RPS6KL1: variants seen among roughly 807,000 people sequenced by gnomAD.
The protein encoded by RPS6KL1 is ribosomal protein S6 kinase like 1.
Under a neutral mutation model 57.0 loss-of-function variants are expected in RPS6KL1, and 41 were observed. The ratio of observed to expected loss-of-function variants is 0.72; its 90% confidence interval spans 0.56 to 0.93. The LOEUF is 0.93. Among genes scored for constraint, RPS6KL1 ranks in the 40% least tolerant of loss-of-function variants. The pLI, the probability that RPS6KL1 is intolerant of heterozygous loss-of-function variation, is 0.00. For synonymous variants in RPS6KL1, 287 were observed against 309.7 expected (o/e 0.93, Z 0.77); for missense variants, 697 against 727.7 (o/e 0.96, Z 0.49).
chr14:74,918,548 G>T lies in RPS6KL1; in HGVS notation c.448C>A (p.Leu150Met), dbSNP rs772688328. The T allele has an allele frequency of 2.7e-5, 42 of 1,534,358 alleles. No homozygotes were observed. Among genetic ancestry groups the T allele is most frequent in the Non-Finnish European group, 3.6e-5 (41 of 1,146,170 alleles). Residue 150 changes from leucine to methionine, a missense_variant, in exon 5 of 12, where the codon CTG becomes ATG. Physicochemically the swap from Leu to Met is conservative, Grantham distance 15. Coordinates refer to ENST00000557413, the MANE Select transcript of RPS6KL1 (RefSeq NM_031464.5). ...IRTLSSAVEQ[L>M]RGCRVVGVIE... Reference sequence around the variant, plus strand: ...ACCCCGACCACCCTGCAGCCCCTCAGCTGCTCCACGGCAGAGCTCAGCGTG... The same window carrying T: ...ACCCCGACCACCCTGCAGCCCCTCATCTGCTCCACGGCAGAGCTCAGCGTG...
Position 74,907,519 on chromosome 14 carries a change from C to G in RPS6KL1, c.1455G>C (p.Gln485His). ...GGGCCTGGATTCCTGAAGGGTGGCT[C>G]TGGGACAGTGCCTGGGAGGACACAG... ...YELLTGMALS[Q>H]SHPSGIQAHT... Residue 485 changes from glutamine to histidine, a missense_variant, in exon 11 of 12, where the codon CAG (glutamine) becomes CAC (histidine). Coordinates refer to ENST00000557413, the MANE Select transcript of RPS6KL1 (RefSeq NM_031464.5). 6.3e-7 allele frequency: 1 copy of G among 1,577,560 alleles called. No homozygotes were observed. Among genetic ancestry groups the G allele is most frequent in the Non-Finnish European group, 8.6e-7 (1 of 1,161,538 alleles).
In RPS6KL1 at chr14:74,909,944, G is replaced by A. The variant is rs1011914682; in HGVS notation, c.869C>T (p.Ala290Val). 6 of 1,614,042 alleles carry A rather than the reference G, an allele frequency of 3.7e-6. No homozygotes were observed. The highest frequency in any genetic ancestry group is 5.1e-6 in the Non-Finnish European group (6 of 1,180,026). ...PPRTSPNLLLAGEAPSTRPQR... is the reference protein window; with the variant it reads ...PPRTSPNLLLVGEAPSTRPQR... Reference sequence around the variant, plus strand: ...GGGTCTGGTGGATGGGGCCTCCCCAGCTAGGAGAAGGTTCGGAGAAGTCCT... The same window carrying A: ...GGGTCTGGTGGATGGGGCCTCCCCAACTAGGAGAAGGTTCGGAGAAGTCCT... The change falls in exon 8 of 12, where the codon GCT becomes GTT. Residue 290 changes from alanine to valine, a missense_variant. Coordinates refer to ENST00000557413, the MANE Select transcript of RPS6KL1 (RefSeq NM_031464.5).
intron 5 of RPS6KL1, among the ~76,000 whole-genome samples, chr14:74,914,280 A>G (rs1187381499): frequency 1.3e-5 from 2 of 152,246 alleles, no homozygotes; most frequent in Non-Finnish European, 2.9e-5. Context: ...CTCTGGAGTC[A>G]TTTAGGAGAA....
intron 2 of RPS6KL1, chr14:74,921,773 TTTTC>T (rs1887887973): frequency 4.8e-6 from 6 of 1,258,890 alleles, no homozygotes; most frequent in Admixed American, 5.0e-5. Flanking sequence ...TTCTGTTTTC[TTTTC>T]TTTTTTTTTT....
intron 2 of RPS6KL1, 198 bp from the exon 3 acceptor site, chr14:74,921,759 A>G (rs1887882528): frequency 7.7e-7 from 1 of 1,304,524 alleles, no homozygotes; most frequent in African/African-American, 1.5e-5. Context: ...TAACCAGCTC[A>G]GGATTCTGTT....
At chr14:74,907,870 T>G (rs1885188487) in intron 10 of RPS6KL1, among the ~76,000 whole-genome samples, 1 of 152,090 alleles carries the variant, frequency 6.6e-6, no homozygotes, top group Admixed American at 6.5e-5. Context: ...ATTTTAAAAA[T>G]CCACACGGGC....
rs1416859405 is a variant in RPS6KL1 at position 74,911,263 on chromosome 14, G to A, written c.649C>T (p.Leu217=). 4 of 1,612,416 alleles carry A rather than the reference G, an allele frequency of 2.5e-6. No homozygotes were observed. In the South Asian group the frequency reaches 4.4e-5, roughly 18 times the overall value. The change falls in exon 7 of 12, where the codon CTG becomes TTG. Residue 217 remains leucine, a synonymous_variant. Coordinates refer to ENST00000557413, the MANE Select transcript of RPS6KL1 (RefSeq NM_031464.5). ...GCCTGCTCACCTTGCACATGCTCCA[G>A]GTGCAGGAAGATGGAGTCCTCGCTC... The part of the protein sequence containing the change: ...FVSEDSIFLH[L]EHVQGGTLWS...
intron 8 of RPS6KL1, 66 bp downstream of exon 8, chr14:74,909,477 G>T: frequency 6.6e-7 from 1 of 1,519,068 alleles, no homozygotes; most frequent in Non-Finnish European, 8.8e-7. Context: ...TCGACTTTGG[G>T]GATCTCTCGT....
rs1404262519 is a variant in RPS6KL1, at chr14:74,907,512, G to A, written c.1462C>T (p.Pro488Ser). 1.3e-6 allele frequency: 2 copies of A among 1,579,184 alleles called. No homozygotes were observed. Among genetic ancestry groups the A allele is most frequent in the Non-Finnish European group, 1.7e-6 (2 of 1,162,360 alleles). Residue 488 changes from proline (P) to serine (S), a missense_variant, in exon 11 of 12, where the codon CCT becomes TCT. Transcript: ENST00000557413. ...LTGMALSQSH[P>S]SGIQAHTQLQ... ...TGGGTGTGGGCCTGGATTCCTGAAG[G>A]GTGGCTCTGGGACAGTGCCTGGGAG...
chr14:74,906,421 G>T lies in RPS6KL1; in HGVS notation c.*593C>A, dbSNP rs1884859974. ...CAGGAATCGGGGGTGGGGGGGTGGG[G>T]GTGGGGGTCATCCTGTCCCCTACCT... On this transcript the variant is annotated 3_prime_UTR_variant, in exon 12 of 12. Coordinates refer to ENST00000557413, the MANE Select transcript of RPS6KL1 (RefSeq NM_031464.5). The T allele has an allele frequency of 2.8e-6, 1 of 357,956 alleles. No individual in the cohort carries two copies. Among genetic ancestry groups the T allele is most frequent in the Non-Finnish European group, 5.7e-6 (1 of 174,442 alleles). The allele number at this position is 357,956 out of a possible 1,614,324, so 22.2% of individuals were successfully genotyped here.
Position 74,909,941 on chromosome 14 carries a change from C to T in RPS6KL1, c.872G>A (p.Gly291Glu), listed in dbSNP as rs1320684657. 2 of 1,613,978 alleles carry T rather than the reference C, an allele frequency of 1.2e-6. No individual in the cohort carries two copies. The highest frequency in any genetic ancestry group is 2.7e-5 in the African/African-American group (2 of 74,922). Residue 291 changes from glycine (G) to glutamate (E), a missense_variant, in exon 8 of 12, where the codon GGG (glycine) becomes GAG (glutamate). Gly to Glu is a moderately conservative substitution (Grantham distance 98). Coordinates refer to ENST00000557413, the MANE Select transcript of RPS6KL1 (RefSeq NM_031464.5). ...PRTSPNLLLA[G>E]EAPSTRPQRE... is the part of the protein sequence containing the mutation. ...CTGGGGTCTGGTGGATGGGGCCTCC[C>T]CAGCTAGGAGAAGGTTCGGAGAAGT...
Position 74,909,740 on chromosome 14 carries a change from C to A in RPS6KL1, c.1073G>T (p.Gly358Val), listed in dbSNP as rs747342145. 4 of 1,607,556 alleles carry A rather than the reference C, an allele frequency of 2.5e-6. No individual in the cohort carries two copies. The highest frequency in any genetic ancestry group is 3.4e-6 in the Non-Finnish European group (4 of 1,179,352). ...GCTCTGATCCATGCCTCGGCCACAGCCCCCTAGCACCGGGCCGGCCCCCTC... is the reference window on the plus strand; with the variant it reads ...GCTCTGATCCATGCCTCGGCCACAGACCCCTAGCACCGGGCCGGCCCCCTC... ...VPEGAGPVLG[G>V]CGRGMDQSCL... Residue 358 changes from glycine (G) to valine (V), a missense_variant, in exon 8 of 12, where the codon GGC (glycine) becomes GTC (valine). Physicochemically the swap from Gly to Val is moderately radical, Grantham distance 109. Transcript: ENST00000557413.
chr14:74,919,951 C>T lies in RPS6KL1; in HGVS notation c.284G>A (p.Arg95Gln), dbSNP rs145463106. ...AATTTTCAGCTTCACAGCCTCACGT[C>T]GCTCCTTGTTGGGGTCAACTGTGGG... ...RGIHVDPNKE[R>Q]REAVKLKITK... is the part of the protein sequence containing the mutation. Residue 95 changes from arginine (R) to glutamine (Q), a missense_variant, in exon 4 of 12, where the codon CGA (arginine) becomes CAA (glutamine). Coordinates refer to ENST00000557413, the MANE Select transcript of RPS6KL1 (RefSeq NM_031464.5). 1.2e-5 allele frequency: 19 copies of T among 1,614,176 alleles called. No homozygotes were observed. Among genetic ancestry groups the T allele is most frequent in the South Asian group, 2.2e-5 (2 of 91,080 alleles).
chr14:74,911,639 G>T (rs1463274664), intron 6 of RPS6KL1, 155 bp downstream of exon 6: 2 of 733,118 alleles, frequency 2.7e-6, no homozygotes, highest in Non-Finnish European at 4.7e-6. Context: ...GCATGCATGT[G>T]TGTCCATCTG....
rs985079882 is a variant in RPS6KL1, at chr14:74,909,988, T to C, written c.825A>G (p.Arg275=). Residue 275 remains arginine (R), a synonymous_variant, in exon 8 of 12, where the codon AGA becomes AGG. Transcript: ENST00000557413. ...LPSGHAPGQD[R]IALEPPRTSP... ...AAGTCCTAGGAGGCTCCAGGGCGAT[T>C]CTGTCCTGGCCAGGGGCATGGCCTG... 1 of 1,613,954 alleles carries C rather than the reference T, an allele frequency of 6.2e-7. No individual in the cohort carries two copies. The highest frequency in any genetic ancestry group is 1.7e-5 in the Admixed American group (1 of 60,006).
At chr14:74,918,220 T>C (rs1887189393) in intron 5 of RPS6KL1, among the ~76,000 whole-genome samples, 1 of 152,164 alleles carries the variant, frequency 6.6e-6, no homozygotes, top group African/African-American at 2.4e-5. Flanking sequence ...TGGCCCAAAG[T>C]GCTGGGATTC....
At chr14:74,910,870 CTTT>C (rs5809683) in intron 7 of RPS6KL1, 313 of 155,320 alleles carry the variant, frequency 2.0e-3, no homozygotes, top group Middle Eastern at 5.8e-3. Context: ...CAGGGCTCAG[CTTT>C]TTTTTTTTTT....
intron 6 of RPS6KL1, 135 bp downstream of exon 6, chr14:74,911,659 G>A (rs1450718570): frequency 3.6e-6 from 3 of 829,500 alleles, no homozygotes; most frequent in Non-Finnish European, 3.9e-6. Flanking sequence ...GGAAAGTGGG[G>A]CATGTTCAGG....
rs1346527879 is a variant in RPS6KL1 at position 74,904,776 on chromosome 14, T to C, written c.*2238A>G. ...CCAAGATGCTCAAGGTCAATACACA[T>C]GAACAGGTGAGGGTTGATGACCTAG... On this transcript the variant is annotated 3_prime_UTR_variant, in exon 12 of 12. Coordinates refer to ENST00000557413, the MANE Select transcript of RPS6KL1 (RefSeq NM_031464.5). 6.6e-6 allele frequency: 1 copy of C among 152,194 alleles called. No homozygotes were observed. Among genetic ancestry groups the C allele is most frequent in the Admixed American group, 6.5e-5 (1 of 15,274 alleles). The allele number at this position is 152,194 out of a possible 1,614,324, so 9.4% of individuals were successfully genotyped here. A position where few individuals can be genotyped will look rare whatever the true frequency, so the allele number is the denominator to read the frequency against.
Sources: allele counts gnomAD v4.1 joint callset (sites outside exome capture counted in the v4.1 genomes callset), GRCh38; gene constraint gnomAD v4.1.1; transcripts MANE v1.5; gene names NCBI Gene and HGNC (gene_info 2026-07-23, HGNC 2026-07-21).